Variants in MFN1 observed in about 807,000 individuals in gnomAD.
The protein encoded by MFN1 is mitofusin-1.
MFN1 carries 65 observed loss-of-function variants against 92.4 expected under a neutral mutation model. The ratio of observed to expected loss-of-function variants is 0.70; its 90% CI spans 0.58 to 0.86. The LOEUF (loss-of-function observed/expected upper bound fraction) is 0.86. MFN1 is among the 40% of genes least tolerant of loss of function. MFN1 has a pLI of 0.00. For synonymous variants in MFN1, 297 were observed against 300.9 expected (o/e 0.99, Z 0.13); for missense variants, 781 against 868.0 (o/e 0.90, Z 1.26).
chr3:179,348,707 CA>C (rs376511108), intron 1 of MFN1, 137 bp from the exon 2 acceptor site: 1 of 1,331,398 alleles, frequency 7.5e-7, no homozygotes, highest in Non-Finnish European at 1.0e-6. Flanking sequence ...AGAACACTCC[CA>C]AAAAAGAATT....
At chr3:179,375,119 C>T in intron 9 of MFN1, 101 bp from the exon 10 acceptor site, 6 of 1,257,114 alleles carry the variant, frequency 4.8e-6, no homozygotes, top group South Asian at 3.8e-5. Context: ...ATCTTTATTT[C>T]TGTTTGGGTT....
At position 179,375,343 on chromosome 3, in the gene MFN1, T is replaced by C. The variant is rs1218209636; in HGVS notation, c.1097+2T>C. On this transcript the variant is annotated splice_donor_variant, in intron 10 of 17. Transcript: ENST00000471841. LOFTEE classifies it high-confidence loss of function. Reference sequence around the variant, plus strand: ...AAACCTGGCAGCTGAAGATAAAAGGTATGAGTTCATTTTGTTGCAACATAA... The same window carrying C: ...AAACCTGGCAGCTGAAGATAAAAGGCATGAGTTCATTTTGTTGCAACATAA... 1 of 1,610,792 alleles carries C rather than the reference T, an allele frequency of 6.2e-7. No homozygotes were observed. Among genetic ancestry groups the C allele is most frequent in the Non-Finnish European group, 8.5e-7 (1 of 1,179,136 alleles).
chr3:179,361,436 G>GT (rs1265674656), intron 4 of MFN1, among the ~76,000 whole-genome samples: 1 of 152,134 alleles, frequency 6.6e-6, no homozygotes, highest in African/African-American at 2.4e-5. Context: ...GCATTCAGTA[G>GT]TTTTTCAGCT....
chr3:179,377,015 C>A lies in MFN1; in HGVS notation c.1098-27C>A, dbSNP rs769639747. 13 of 1,609,074 alleles carry A rather than the reference C, an allele frequency of 8.1e-6. No homozygotes were observed. In the South Asian group the frequency reaches 1.3e-4, roughly 16 times the overall value. ...CTTTAGGACTTCAGACTACCCTGAA[C>A]GTTGATTACTCTTTATACTGAAATA... On this transcript the variant is annotated intron_variant, in intron 10 of 17. Coordinates refer to ENST00000471841, the MANE Select transcript of MFN1 (RefSeq NM_033540.3).
At chr3:179,381,512 A>G (rs1012207086) in intron 14 of MFN1, among the ~76,000 whole-genome samples, 2 of 152,078 alleles carry the variant, frequency 1.3e-5, no homozygotes, top group Non-Finnish European at 2.9e-5. Flanking sequence ...TGAATACGTT[A>G]TTTTTCACTG....
At chr3:179,382,938 G>A (rs1344199496) in intron 14 of MFN1, among the ~76,000 whole-genome samples, 1 of 152,014 alleles carries the variant, frequency 6.6e-6, no homozygotes, top group East Asian at 1.9e-4. Context: ...TTGTAAATTT[G>A]TTTGAGTTCT....
intron 14 of MFN1, among the ~76,000 whole-genome samples, chr3:179,383,079 C>A (rs1374817151): frequency 6.6e-6 from 1 of 152,116 alleles, no homozygotes; most frequent in East Asian, 1.9e-4. Context: ...TTAATGAGAT[C>A]CCATTTGTCA....
intron 13 of MFN1, 52 bp downstream of exon 13, chr3:179,378,495 T>C: frequency 6.6e-7 from 1 of 1,521,618 alleles, no homozygotes; most frequent in Non-Finnish European, 9.0e-7. Flanking sequence ...CATTCATGAC[T>C]GGTGAAGAGC....
chr3:179,361,100 A>G (rs1560191887), intron 4 of MFN1, among the ~76,000 whole-genome samples: 1 of 152,190 alleles, frequency 6.6e-6, no homozygotes, highest in Non-Finnish European at 1.5e-5. Flanking sequence ...GAAATGGAGC[A>G]AGACACTGTC....
chr3:179,348,649 C>G, intron 1 of MFN1, 196 bp from the exon 2 acceptor site: 1 of 726,086 alleles, frequency 1.4e-6, no homozygotes, highest in Non-Finnish European at 1.9e-6. Flanking sequence ...ATAGATTTCA[C>G]TTATTTTAGT....
rs1269347563 is a variant in MFN1, at chr3:179,378,379, T to G, written c.1368T>G (p.Asn456Lys). 6.2e-7 allele frequency: 1 copy of G among 1,605,294 alleles called. No homozygotes were observed. Among genetic ancestry groups the G allele is most frequent in the Non-Finnish European group, 8.5e-7 (1 of 1,177,864 alleles). Reference protein sequence around the residue: ...NKHIEDGMGRNLADRCTDEVN... With the variant: ...NKHIEDGMGRKLADRCTDEVN... ...ACATAGAGGATGGTATGGGAAGAAA[T>G]TTGGCTGATCGATGCACCGATGAAG... Residue 456 changes from asparagine (N) to lysine (K), a missense_variant, in exon 13 of 18, where the codon AAT (asparagine) becomes AAG (lysine). Transcript: ENST00000471841.
In MFN1 at chr3:179,393,820, A is replaced by G. The variant is rs1440353003; in HGVS notation, c.*1761A>G. Reference sequence around the variant, plus strand: ...TTTGGTATCACCTCATTAGTATAGTACAGTGGTTCTCAAAGTTTGGTCCTG... The same window carrying G: ...TTTGGTATCACCTCATTAGTATAGTGCAGTGGTTCTCAAAGTTTGGTCCTG... On this transcript the variant is annotated 3_prime_UTR_variant, in exon 18 of 18. Coordinates refer to ENST00000471841, the MANE Select transcript of MFN1 (RefSeq NM_033540.3). 6.6e-6 allele frequency: 1 copy of G among 152,198 alleles called. No homozygotes were observed. Among genetic ancestry groups the G allele is most frequent in the Non-Finnish European group, 1.5e-5 (1 of 68,054 alleles). 9.4% of individuals were successfully genotyped at this position (152,198 alleles called of 1,614,324 possible).
intron 3 of MFN1, 35 bp from the exon 4 acceptor site, chr3:179,358,805 A>C: frequency 6.3e-7 from 1 of 1,582,164 alleles, no homozygotes; most frequent in Admixed American, 1.8e-5. Context: ...TTTTACTGTT[A>C]TGTTTTGTTT....
At chr3:179,357,581 G>A (rs141584605) in intron 3 of MFN1, among the ~76,000 whole-genome samples, 2 of 152,220 alleles carry the variant, frequency 1.3e-5, no homozygotes, top group South Asian at 2.1e-4. Flanking sequence ...AACATATGCC[G>A]AAAAGATAGG....
intron 17 of MFN1, among the ~76,000 whole-genome samples, chr3:179,390,533 T>C (rs1206042126): frequency 1.3e-5 from 2 of 152,210 alleles, no homozygotes; most frequent in Non-Finnish European, 2.9e-5. Flanking sequence ...ATTGATTATG[T>C]ATACTTAAAT....
intron 9 of MFN1, among the ~76,000 whole-genome samples, chr3:179,374,584 G>A (rs961069767): frequency 3.3e-5 from 5 of 151,756 alleles, no homozygotes; most frequent in Admixed American, 1.3e-4. Context: ...ATGAGATAGG[G>A]CATGATTCAG....
intron 14 of MFN1, among the ~76,000 whole-genome samples, chr3:179,381,844 T>G (rs1713479649): frequency 1.3e-5 from 2 of 152,312 alleles, no homozygotes; most frequent in South Asian, 4.1e-4. Flanking sequence ...ATTATATCTA[T>G]GAAATATTCA....
intron 16 of MFN1, among the ~76,000 whole-genome samples, chr3:179,387,525 G>A (rs1457491317): frequency 2.0e-5 from 3 of 150,678 alleles, no homozygotes; most frequent in East Asian, 3.9e-4. Context: ...CAGCCTGGGC[G>A]ACAGAGTGAG....
chr3:179,376,137 T>TC (rs1713232089), intron 10 of MFN1, among the ~76,000 whole-genome samples: 1 of 152,214 alleles, frequency 6.6e-6, no homozygotes, highest in African/African-American at 2.4e-5. Context: ...CCCCTTCATG[T>TC]CCCTGTCTGT....
Sources: allele counts gnomAD v4.1 joint callset (sites outside exome capture counted in the v4.1 genomes callset), GRCh38; gene constraint gnomAD v4.1.1; transcripts MANE v1.5; gene names NCBI Gene and HGNC (gene_info 2026-07-23, HGNC 2026-07-21).